RPS6KA2: variants seen among roughly 807,000 people sequenced by gnomAD.
RPS6KA2 encodes the protein ribosomal protein S6 kinase alpha-2.
Under a neutral mutation model 91.8 loss-of-function variants are expected in RPS6KA2, and 42 were observed. The observed-to-expected ratio is 0.46, with a 90% CI of 0.36 to 0.59. The LOEUF is 0.59. Among genes scored for constraint, RPS6KA2 ranks in the 20% least tolerant of loss-of-function variants. RPS6KA2 has a pLI of 0.00. For missense variants in RPS6KA2, 798 were observed against 978.5 expected (o/e 0.82, Z 2.46); for synonymous variants, 414 against 393.6 (o/e 1.05, Z -0.61).
chr6:166,472,079 C>T (rs1345663060), intron 10 of RPS6KA2, among the ~76,000 whole-genome samples: 2 of 152,194 alleles, frequency 1.3e-5, no homozygotes, highest in Admixed American at 6.5e-5. Flanking sequence ...CTTCTGGTCA[C>T]GATGATTAAC....
rs1307373475 is a variant in RPS6KA2, at chr6:166,435,096, C to T, written c.1333-2606G>A. ...TAAAGAATTCCAAAATTTCAGCTTA[C>T]TATTTTGTAAGCTGAAATTGCAGGA... On this transcript the variant is annotated intron_variant, in intron 14 of 20. Transcript: ENST00000265678. This position sits in a 1 kb window ranked among gnomAD's most constrained non-coding sequence, Gnocchi z 4.3. Among the ~76,000 whole-genome samples the T allele has an allele frequency of 1.3e-5, 2 of 152,172 alleles. No individual in the cohort carries two copies. The highest frequency in any genetic ancestry group is 2.9e-5 in the Non-Finnish European group (2 of 68,022).
intron 2 of RPS6KA2, among the ~76,000 whole-genome samples, chr6:166,634,413 C>T (rs564821747): frequency 1.3e-5 from 2 of 152,174 alleles, no homozygotes; most frequent in African/African-American, 2.4e-5. Flanking sequence ...TGCTCCTCCC[C>T]CTTCCTCATC....
At chr6:166,762,069 C>A (rs1476100376) in intron 2 of RPS6KA2, among the ~76,000 whole-genome samples, 1 of 152,180 alleles carries the variant, frequency 6.6e-6, no homozygotes, top group Non-Finnish European at 1.5e-5. Context: ...CACGTGGAGG[C>A]CCTGGTGTCA....
chr6:166,779,414 G>C (rs1338245562), intron 2 of RPS6KA2, among the ~76,000 whole-genome samples: 1 of 152,154 alleles, frequency 6.6e-6, no homozygotes, highest in African/African-American at 2.4e-5. Context: ...CGCACATGTG[G>C]AGGGTGTGAG....
At chr6:166,842,962 C>T (rs1394926821) in intron 2 of RPS6KA2, among the ~76,000 whole-genome samples, 1 of 152,200 alleles carries the variant, frequency 6.6e-6, no homozygotes, top group Non-Finnish European at 1.5e-5. Flanking sequence ...AACCGTGAGT[C>T]TGCCTGCCTT....
At chr6:166,858,434 C>T (rs1409821664) in intron 1 of RPS6KA2, among the ~76,000 whole-genome samples, 1 of 152,210 alleles carries the variant, frequency 6.6e-6, no homozygotes, top group Non-Finnish European at 1.5e-5. Context: ...CTGTGTGATG[C>T]TTCATGTCCG....
In RPS6KA2 at chr6:166,534,847, G is replaced by T. The variant is rs3799645; in HGVS notation, c.217-3534C>A. Among the ~76,000 whole-genome samples the T allele has an allele frequency of 5.4e-4, 82 of 152,346 alleles. 5 individuals are homozygous for T. The East Asian group carries it at 0.015, about 28-fold the overall frequency. Reference sequence around the variant, plus strand: ...TCCTGCAGCAGGTGCTGCCTGACTCGCAAGCACAGGACCCAGTGGAGGGGA... The same window carrying T: ...TCCTGCAGCAGGTGCTGCCTGACTCTCAAGCACAGGACCCAGTGGAGGGGA... On this transcript the variant is annotated intron_variant, in intron 2 of 20. Transcript: ENST00000265678.
At chr6:166,776,207 C>T (rs930129412) in intron 2 of RPS6KA2, among the ~76,000 whole-genome samples, 4 of 152,130 alleles carry the variant, frequency 2.6e-5, no homozygotes, top group Admixed American at 2.6e-4. Flanking sequence ...AGAATGATCT[C>T]GCTACACCCA....
At chr6:166,690,537 C>G (rs1789173958) in intron 2 of RPS6KA2, among the ~76,000 whole-genome samples, 1 of 152,218 alleles carries the variant, frequency 6.6e-6, no homozygotes, top group East Asian at 1.9e-4. Flanking sequence ...GAGAAGAACT[C>G]CCTCTATGAG....
rs895242489 is a variant in RPS6KA2, at chr6:166,732,143, T to C, written c.123+126057A>G. 2.2e-4 allele frequency among the ~76,000 whole-genome samples: 32 copies of C among 148,060 alleles called. No homozygotes were observed. The highest frequency in any genetic ancestry group is 8.1e-4 in the African/African-American group (32 of 39,718). ...CCTTTTTGTTTTACCAATAAATAAA[T>C]AAATAACCAAGAAAAATACTTTAAT... is the stretch of plus-strand genomic sequence containing the variant. On this transcript the variant is annotated intron_variant, in intron 2 of 21. Transcript: ENST00000503859. This position sits in a 1 kb window ranked among gnomAD's most constrained non-coding sequence, Gnocchi z 4.0.
At chr6:166,716,215 G>A (rs186573210) in intron 2 of RPS6KA2, among the ~76,000 whole-genome samples, 252 of 152,148 alleles carry the variant, frequency 1.7e-3, no homozygotes, top group African/African-American at 5.8e-3. Flanking sequence ...CATATTTCAA[G>A]CCACAAAACC....
At chr6:166,596,634 T>C (rs1785543429) in intron 1 of RPS6KA2, among the ~76,000 whole-genome samples, 2 of 152,074 alleles carry the variant, frequency 1.3e-5, no homozygotes, top group South Asian at 4.1e-4. Context: ...AATTTTGAGG[T>C]TTTGGGACTC....
chr6:166,694,389 ATC>A (rs1490988963), intron 2 of RPS6KA2, among the ~76,000 whole-genome samples: 1 of 152,222 alleles, frequency 6.6e-6, no homozygotes, highest in Non-Finnish European at 1.5e-5. Context: ...CTGTTCACCC[ATC>A]TCTCCATTCA....
At chr6:166,813,406 A>G (rs940550232) in intron 2 of RPS6KA2, among the ~76,000 whole-genome samples, 5 of 152,224 alleles carry the variant, frequency 3.3e-5, no homozygotes, top group Admixed American at 2.6e-4. Flanking sequence ...ATGAGATTAA[A>G]AGGAATTCAT....
At chr6:166,653,224 C>T (rs1396924764) in intron 2 of RPS6KA2, among the ~76,000 whole-genome samples, 1 of 152,192 alleles carries the variant, frequency 6.6e-6, no homozygotes, top group African/African-American at 2.4e-5. Flanking sequence ...CCATGCCCGA[C>T]TAATTTTTGT....
chr6:166,535,321 G>A (rs1449005585), intron 2 of RPS6KA2, among the ~76,000 whole-genome samples: 1 of 152,062 alleles, frequency 6.6e-6, no homozygotes, highest in Non-Finnish European at 1.5e-5. Flanking sequence ...GTTTCTATTG[G>A]GCTGCAAAAT....
At position 166,724,123 on chromosome 6, in the gene RPS6KA2, T is replaced by C. The variant is rs562162023; in HGVS notation, c.123+134077A>G. Among the ~76,000 whole-genome samples, 9 of 152,358 alleles carry C rather than the reference T, an allele frequency of 5.9e-5. No homozygotes were observed. The South Asian group carries it at 1.2e-3, about 21-fold the overall frequency. ...TGCATATATGTCATACACATGCACA[T>C]GTATGGACATATGTATGTATGAGTA... is the stretch of plus-strand genomic sequence containing the variant. On this transcript the variant is annotated intron_variant, in intron 2 of 21. Coordinates refer to the RPS6KA2 transcript ENST00000503859.
At chr6:166,600,119 T>C (rs1011642683) in intron 1 of RPS6KA2, among the ~76,000 whole-genome samples, 5 of 152,198 alleles carry the variant, frequency 3.3e-5, no homozygotes, top group Non-Finnish European at 7.3e-5. Flanking sequence ...ACAATCCTCC[T>C]GCCTCAGCTT....
At chr6:166,471,077 C>T (rs1356874148) in intron 10 of RPS6KA2, among the ~76,000 whole-genome samples, 1 of 152,180 alleles carries the variant, frequency 6.6e-6, no homozygotes, top group Non-Finnish European at 1.5e-5. Flanking sequence ...AAGCTGTGTT[C>T]CTTTCCGCTG....
Sources: gnomAD v4.1 joint callset for allele counts (sites outside exome capture counted in the v4.1 genomes callset) on GRCh38, gnomAD v4.1.1 for gene constraint, Gnocchi (gnomAD v3.1) non-coding constraint, MANE v1.5 for transcripts, NCBI Gene and HGNC (gene_info 2026-07-23, HGNC 2026-07-21) for gene names.